Variants in KLHL42 observed in about 807,000 individuals in gnomAD.
KLHL42 encodes the protein kelch like family member 42, also known as kelch-like protein 42.
Under a neutral mutation model 32.7 loss-of-function variants are expected in KLHL42, and 27 were observed. The ratio of observed to expected loss-of-function variants is 0.83; its 90% CI spans 0.61 to 1.14. KLHL42 has a LOEUF of 1.14. KLHL42 is among the 50% of genes most tolerant of loss of function. The pLI, the probability that KLHL42 is intolerant of heterozygous loss-of-function variation, is 0.00. For synonymous variants in KLHL42, 267 were observed against 248.2 expected (o/e 1.08, Z -0.71); for missense variants, 491 against 560.8 (o/e 0.88, Z 1.26).
intron 1 of KLHL42, 100 bp downstream of exon 1, chr12:27,781,302 G>A: frequency 7.5e-7 from 1 of 1,331,632 alleles, no homozygotes; most frequent in Non-Finnish European, 1.0e-6. Context: ...GGGAGGGTGT[G>A]CTGTGGTGGA....
intron 1 of KLHL42, chr12:27,788,312 T>C (rs900840913): frequency 2.6e-5 from 4 of 152,208 alleles, no homozygotes; most frequent in Non-Finnish European, 4.4e-5. Flanking sequence ...AGGTGTCACT[T>C]CATATTAATG....
chr12:27,800,289 G>A lies in KLHL42; in HGVS notation c.*2123G>A. 1 of 984,986 alleles carries A rather than the reference G, an allele frequency of 1.0e-6. No homozygotes were observed. The allele number at this position is 984,986 out of a possible 1,614,324, so 61.0% of individuals were successfully genotyped here. A position where few individuals can be genotyped will look rare whatever the true frequency, so the allele number is the denominator to read the frequency against. The stretch of plus-strand genomic sequence containing the variant: ...CAATTAGATTCTTGGACCAAGTGAG[G>A]GTGTACTCTGATCCACAAAGCTCTT... On this transcript the variant is annotated 3_prime_UTR_variant, in exon 3 of 3. Coordinates refer to ENST00000381271, the MANE Select transcript of KLHL42 (RefSeq NM_020782.2).
At chr12:27,783,642 C>T (rs372641063) in intron 1 of KLHL42, among the ~76,000 whole-genome samples, 1 of 151,954 alleles carries the variant, frequency 6.6e-6, no homozygotes, top group Non-Finnish European at 1.5e-5. Context: ...AGTGCAGTGG[C>T]GGGATCTCGG....
Position 27,798,339 on chromosome 12 carries a change from A to G in KLHL42, c.*173A>G. 1.8e-6 allele frequency: 1 copy of G among 549,926 alleles called. No homozygotes were observed. 34.1% of individuals were successfully genotyped at this position (549,926 alleles called of 1,614,324 possible). A position where few individuals can be genotyped will look rare whatever the true frequency, so the allele number is the denominator to read the frequency against. On this transcript the variant is annotated 3_prime_UTR_variant, in exon 3 of 3. Transcript: ENST00000381271. ...GAACTAATTACTTGAAAACTGGTGG[A>G]AAAAAGAGACCAACTTTGTTATTTT... is the stretch of plus-strand genomic sequence containing the variant.
chr12:27,790,011 T>C (rs1247448418), intron 1 of KLHL42, among the ~76,000 whole-genome samples: 1 of 152,228 alleles, frequency 6.6e-6, no homozygotes, highest in Non-Finnish European at 1.5e-5. Flanking sequence ...ATCAGTTTTA[T>C]TGAACACTTT....
intron 1 of KLHL42, among the ~76,000 whole-genome samples, chr12:27,785,469 A>G (rs1222263564): frequency 6.6e-6 from 1 of 152,142 alleles, no homozygotes; most frequent in Non-Finnish European, 1.5e-5. Context: ...GTGGCCTCCC[A>G]AAGTGCTAAG....
intron 1 of KLHL42, among the ~76,000 whole-genome samples, chr12:27,781,699 A>G (rs1477449908): frequency 1.3e-5 from 2 of 152,176 alleles, no homozygotes; most frequent in East Asian, 3.8e-4. Context: ...ATCACTGGAA[A>G]TGTATTAACG....
At position 27,780,896 on chromosome 12, in the gene KLHL42, G is replaced by C. The variant is rs868098269; in HGVS notation, c.566G>C (p.Arg189Pro). Residue 189 changes from arginine to proline, a missense_variant, in exon 1 of 3, where the codon CGG (arginine) becomes CCG (proline). Physicochemically the swap from Arg to Pro is moderately radical, Grantham distance 103. Transcript: ENST00000381271. This position sits in a 1 kb window ranked among gnomAD's most constrained non-coding sequence, Gnocchi z 8.8. ...CTGAAGCAGAGGCTGAGGGAGGCCCGGATGACTGGGACTCCTGTCCTCGTG... is the reference window on the plus strand; with the variant it reads ...CTGAAGCAGAGGCTGAGGGAGGCCCCGATGACTGGGACTCCTGTCCTCGTG... ...VSLKQRLREA[R>P]MTGTPVLVAL... The C allele has an allele frequency of 6.2e-7, 1 of 1,611,292 alleles. No homozygotes were observed. The highest frequency in any genetic ancestry group is 1.1e-5 in the South Asian group (1 of 91,012).
chr12:27,791,672 GAACT>G (rs779201067), intron 1 of KLHL42, 32 bp from the exon 2 acceptor site: 1 of 1,541,984 alleles, frequency 6.5e-7, no homozygotes. Flanking sequence ...TTGATCAGAA[GAACT>G]AACTCTGTGG....
At chr12:27,793,542 T>C (rs1187360820) in intron 2 of KLHL42, among the ~76,000 whole-genome samples, 1 of 146,156 alleles carries the variant, frequency 6.8e-6, no homozygotes, top group East Asian at 2.0e-4. Flanking sequence ...ACCCAGTCTC[T>C]AAAATAAAAA....
intron 2 of KLHL42, among the ~76,000 whole-genome samples, chr12:27,794,912 G>GAA (rs571406816): frequency 1.5e-5 from 2 of 133,196 alleles, no homozygotes; most frequent in Non-Finnish European, 3.3e-5. Flanking sequence ...ACATATAATT[G>GAA]AAAAAAAAAA....
rs761329921 is a variant in KLHL42 at position 27,781,212 on chromosome 12, C to G, written c.872+10C>G. On this transcript the variant is annotated intron_variant, in intron 1 of 2. Transcript: ENST00000381271. ...CCATGAACCAGAAGAGGTAAGCACC[C>G]CGGCAGAGTGCTGCTGCCTTCTCAT... 1.4e-5 allele frequency: 23 copies of G among 1,612,582 alleles called. 1 individual carries two copies. Among genetic ancestry groups the G allele is most frequent in the South Asian group, 1.1e-5 (1 of 91,018 alleles).
Position 27,784,425 on chromosome 12 carries a change from C to A in KLHL42, c.872+3223C>A, listed in dbSNP as rs890734456. 5.3e-5 allele frequency among the ~76,000 whole-genome samples: 8 copies of A among 151,810 alleles called. No homozygotes were observed. The East Asian group carries it at 1.2e-3, about 22-fold the overall frequency. ...CAAAGTGCTGGGATTAAGTTGTGAG[C>A]CACCGCGCCCAGCTGTGTATGCATG... On this transcript the variant is annotated intron_variant, in intron 1 of 2. Transcript: ENST00000381271.
In KLHL42 at chr12:27,780,283, C is replaced by T. The variant is rs751162117; in HGVS notation, c.-48C>T. 6.7e-6 allele frequency: 10 copies of T among 1,491,520 alleles called. 1 individual carries two copies. In the South Asian group the frequency reaches 1.3e-4, roughly 19 times the overall value. 92.4% of individuals were successfully genotyped at this position (1,491,520 alleles called of 1,614,324 possible). ...GGCGCGCGCGTAGGGGCTGGGAGGC[C>T]GGCGCGCAGATCTGGCGGTGAGCGC... On this transcript the variant is annotated 5_prime_UTR_variant, in exon 1 of 3. Coordinates refer to ENST00000381271, the MANE Select transcript of KLHL42 (RefSeq NM_020782.2). The surrounding 1 kb of genome is among the most constrained non-coding windows in gnomAD (Gnocchi z 8.8).
At chr12:27,782,443 T>C (rs142857665) in intron 1 of KLHL42, among the ~76,000 whole-genome samples, 274 of 152,352 alleles carry the variant, frequency 1.8e-3, no homozygotes, top group African/African-American at 6.4e-3. Flanking sequence ...TTGGCATATT[T>C]CCTGCCAGCC....
rs756341324 is a variant in KLHL42 at position 27,780,871 on chromosome 12, C to A, written c.541C>A (p.Leu181Met). 3 of 1,613,724 alleles carry A rather than the reference C, an allele frequency of 1.9e-6. No homozygotes were observed. Among genetic ancestry groups the A allele is most frequent in the Non-Finnish European group, 1.7e-6 (2 of 1,179,800 alleles). ...TCCCCAAGCTCCAGGGGATGTCAGCCTGAAGCAGAGGCTGAGGGAGGCCCG... is the reference window on the plus strand; with the variant it reads ...TCCCCAAGCTCCAGGGGATGTCAGCATGAAGCAGAGGCTGAGGGAGGCCCG... ...SPPQAPGDVSLKQRLREARMT... is the reference protein window; with the variant it reads ...SPPQAPGDVSMKQRLREARMT... The change falls in exon 1 of 3, where the codon CTG becomes ATG. Residue 181 changes from leucine to methionine, a missense_variant. Physicochemically the swap from Leu to Met is conservative, Grantham distance 15. This residue lies in a region of KLHL42 where 248 missense variants were observed against 329.2 expected (regional missense o/e 0.75). Transcript: ENST00000381271. This position sits in a 1 kb window ranked among gnomAD's most constrained non-coding sequence, Gnocchi z 8.8.
chr12:27,780,540 C>CGCCGGCGGG lies in KLHL42; in HGVS notation c.214_222dup (p.Gly72_Ala74dup). Reference sequence around the variant, plus strand: ...TGCGGCTGGTGCTGGACTTCATCAACGCCGGCGGGGCCCGCGAAGGCTGGC... The same window carrying CGCCGGCGGG: ...TGCGGCTGGTGCTGGACTTCATCAACGCCGGCGGGGCCGGCGGGGCCCGCGAAGGCTGGC... On this transcript the variant is annotated inframe_insertion, in exon 1 of 3. Transcript: ENST00000381271. The surrounding 1 kb of genome is among the most constrained non-coding windows in gnomAD (Gnocchi z 8.8). 1 of 1,530,494 alleles carries CGCCGGCGGG rather than the reference C, an allele frequency of 6.5e-7. No homozygotes were observed. Among genetic ancestry groups the CGCCGGCGGG allele is most frequent in the South Asian group, 1.3e-5 (1 of 78,364 alleles). The allele number at this position is 1,530,494 out of a possible 1,614,324, so 94.8% of individuals were successfully genotyped here.
intron 1 of KLHL42, among the ~76,000 whole-genome samples, chr12:27,785,900 T>G (rs762268117): frequency 2.0e-5 from 3 of 152,224 alleles, no homozygotes; most frequent in Non-Finnish European, 2.9e-5. Flanking sequence ...ATAGTGAACA[T>G]TTTTACCTTG....
intron 1 of KLHL42, among the ~76,000 whole-genome samples, chr12:27,790,389 G>A (rs919719129): frequency 3.3e-5 from 5 of 152,150 alleles, no homozygotes; most frequent in Admixed American, 1.3e-4. Flanking sequence ...GACTAGAAGC[G>A]AGGTCTTCTG....
Sources: gnomAD v4.1 joint callset for allele counts (sites outside exome capture counted in the v4.1 genomes callset) on GRCh38, gnomAD v4.1.1 for gene constraint, gnomAD v4.1.1 regional missense constraint, Gnocchi (gnomAD v3.1) non-coding constraint, MANE v1.5 for transcripts, NCBI Gene and HGNC (gene_info 2026-07-23, HGNC 2026-07-21) for gene names.